RCAN1: variants seen among roughly 807,000 people sequenced by gnomAD.
RCAN1 encodes calcipressin-1.
In RCAN1, 11 loss-of-function variants were observed where a neutral mutation model predicts 22.9. The observed-to-expected ratio is 0.48, with a 90% CI of 0.30 to 0.79. The LOEUF (loss-of-function observed/expected upper bound fraction) is 0.79, where lower values mean the gene tolerates loss of function less well. RCAN1 is among the 30% of genes least tolerant of loss of function. RCAN1 has a pLI of 0.06. For missense variants in RCAN1, 291 were observed against 337.8 expected (o/e 0.86, Z 1.09); for synonymous variants, 136 against 142.3 (o/e 0.96, Z 0.32).
At chr21:34,590,019 C>T (rs1185328149) in intron 1 of RCAN1, among the ~76,000 whole-genome samples, 1 of 152,240 alleles carries the variant, frequency 6.6e-6, no homozygotes, top group Non-Finnish European at 1.5e-5. Context: ...GAATATTCTT[C>T]AATACCCATT....
intron 1 of RCAN1, among the ~76,000 whole-genome samples, chr21:34,583,731 T>C (rs1987699056): frequency 6.6e-6 from 1 of 152,108 alleles, no homozygotes; most frequent in Admixed American, 6.5e-5. Context: ...TCTGTGGTAT[T>C]ATGTTAGAGC....
At position 34,614,694 on chromosome 21, in the gene RCAN1, G is replaced by T; in HGVS notation, c.252+66C>A. The T allele has an allele frequency of 7.7e-7, 1 of 1,304,038 alleles. No homozygotes were observed. Among genetic ancestry groups the T allele is most frequent in the Non-Finnish European group, 9.8e-7 (1 of 1,023,320 alleles). The allele number at this position is 1,304,038 out of a possible 1,614,324, so 80.8% of individuals were successfully genotyped here. ...CGGCCGGGACTGGGCGCTGCGACCC[G>T]CGCCGCCTCCTCGGGCAACAAGTGT... On this transcript the variant is annotated intron_variant, in intron 1 of 3. Transcript: ENST00000313806. The surrounding 1 kb of genome is among the most constrained non-coding windows in gnomAD (Gnocchi z 6.0).
At position 34,614,470 on chromosome 21, in the gene RCAN1, G is replaced by A. The variant is rs1601232070; in HGVS notation, c.252+290C>T. 2.9e-6 allele frequency: 3 copies of A among 1,024,082 alleles called. No individual in the cohort carries two copies. Among genetic ancestry groups the A allele is most frequent in the Non-Finnish European group, 3.5e-6 (3 of 855,984 alleles). The allele number at this position is 1,024,082 out of a possible 1,614,324, so 63.4% of individuals were successfully genotyped here. A position where few individuals can be genotyped will look rare whatever the true frequency, so the allele number is the denominator to read the frequency against. On this transcript the variant is annotated intron_variant, in intron 1 of 3. Transcript: ENST00000313806. This position sits in a 1 kb window ranked among gnomAD's most constrained non-coding sequence, Gnocchi z 6.0. ...GGCGGCGGCGCTGCCCCACCTTGGGGAGCGAATTCACCCCCCTAGTCGCAC... is the reference window on the plus strand; with the variant it reads ...GGCGGCGGCGCTGCCCCACCTTGGGAAGCGAATTCACCCCCCTAGTCGCAC...
intron 1 of RCAN1, among the ~76,000 whole-genome samples, chr21:34,573,405 T>C (rs376894956): frequency 6.6e-6 from 1 of 152,230 alleles, no homozygotes; most frequent in Non-Finnish European, 1.5e-5. Context: ...ATCAATGTCC[T>C]GTTACCATGC....
rs577473186 is a variant in RCAN1, at chr21:34,567,313, G to A, written c.253-43603C>T. Reference sequence around the variant, plus strand: ...GAATCGAGACCATCCAGGCTAACATGGTGAAACCCTATCTCTATTAAAAAT... The same window carrying A: ...GAATCGAGACCATCCAGGCTAACATAGTGAAACCCTATCTCTATTAAAAAT... On this transcript the variant is annotated intron_variant, in intron 1 of 3. Coordinates refer to ENST00000313806, the MANE Select transcript of RCAN1 (RefSeq NM_004414.7). Among the ~76,000 whole-genome samples the A allele has an allele frequency of 1.1e-4, 17 of 152,276 alleles. No individual in the cohort carries two copies. In the South Asian group the frequency reaches 1.5e-3, roughly 13 times the overall value.
At chr21:34,553,852 G>A (rs2834531) in intron 1 of RCAN1, among the ~76,000 whole-genome samples, 35,050 of 152,024 alleles carry the variant, frequency 0.23, 4,817 homozygotes, top group African/African-American at 0.39. Flanking sequence ...GTCTGAAATC[G>A]AGAAGAAACA....
At chr21:34,582,213 A>G (rs1399824454) in intron 1 of RCAN1, among the ~76,000 whole-genome samples, 1 of 152,200 alleles carries the variant, frequency 6.6e-6, no homozygotes, top group African/African-American at 2.4e-5. Context: ...CTTAGGTACT[A>G]AGAACTTCCA....
intron 1 of RCAN1, among the ~76,000 whole-genome samples, chr21:34,534,145 G>A (rs1310538121): frequency 6.6e-6 from 1 of 152,118 alleles, no homozygotes; most frequent in East Asian, 1.9e-4. Context: ...CAGCGAAGGG[G>A]CGAGGGGGAA....
intron 1 of RCAN1, among the ~76,000 whole-genome samples, chr21:34,578,751 G>A (rs1987500469): frequency 6.6e-6 from 1 of 152,118 alleles, no homozygotes; most frequent in South Asian, 2.1e-4. Flanking sequence ...CAAGAGTGCA[G>A]GGCATGTTAC....
intron 1 of RCAN1, among the ~76,000 whole-genome samples, chr21:34,561,047 G>C (rs546540628): frequency 1.3e-5 from 2 of 152,110 alleles, no homozygotes; most frequent in Non-Finnish European, 2.9e-5. Context: ...CAGGGGATCC[G>C]ATGATTTTAT....
intron 1 of RCAN1, among the ~76,000 whole-genome samples, chr21:34,533,107 C>G (rs1003145095): frequency 2.0e-5 from 3 of 151,614 alleles, no homozygotes; most frequent in Non-Finnish European, 4.4e-5. Flanking sequence ...ACTACAGGTG[C>G]CCGCCACCAC....
At chr21:34,545,236 T>G (rs1986088239) in intron 1 of RCAN1, among the ~76,000 whole-genome samples, 1 of 152,176 alleles carries the variant, frequency 6.6e-6, no homozygotes, top group Non-Finnish European at 1.5e-5. Context: ...CAGAGGGAGA[T>G]CACAGCATTG....
intron 1 of RCAN1, among the ~76,000 whole-genome samples, chr21:34,529,242 C>T (rs1040743447): frequency 6.6e-6 from 1 of 152,182 alleles, no homozygotes; most frequent in Non-Finnish European, 1.5e-5. Flanking sequence ...AGCCCTGGAT[C>T]AGGGGGAGGG....
At chr21:34,609,630 T>G (rs1033901537) in intron 1 of RCAN1, among the ~76,000 whole-genome samples, 7 of 152,238 alleles carry the variant, frequency 4.6e-5, no homozygotes, top group African/African-American at 1.7e-4. Flanking sequence ...AAGCCTATTT[T>G]TTGTTCCTTT....
chr21:34,602,865 T>A (rs1270833856), intron 1 of RCAN1, among the ~76,000 whole-genome samples: 2 of 152,256 alleles, frequency 1.3e-5, no homozygotes, highest in East Asian at 3.8e-4. Context: ...ATTCTTTTCA[T>A]AATAATGCTG....
chr21:34,518,087 G>C lies in RCAN1; in HGVS notation c.756C>G (p.Ser252Arg), dbSNP rs754840752. 6.2e-7 allele frequency: 1 copy of C among 1,614,194 alleles called. No homozygotes were observed. The highest frequency in any genetic ancestry group is 1.1e-5 in the South Asian group (1 of 91,082). ...TGCGTCCTCGTCGCGTGCCAGTTCAGCTGAGGTGGATCGGCGTGTACTCCG... is the reference window on the plus strand; with the variant it reads ...TGCGTCCTCGTCGCGTGCCAGTTCACCTGAGGTGGATCGGCGTGTACTCCG... Reference protein sequence around the residue: ...RRPEYTPIHLS With the variant: ...RRPEYTPIHLR Residue 252 changes from serine to arginine, a missense_variant, in exon 4 of 4, where the codon AGC becomes AGG. Coordinates refer to ENST00000313806, the MANE Select transcript of RCAN1 (RefSeq NM_004414.7). This position sits in a 1 kb window ranked among gnomAD's most constrained non-coding sequence, Gnocchi z 4.2.
rs560434488 is a variant in RCAN1, at chr21:34,557,896, G to A, written c.253-34186C>T. On this transcript the variant is annotated intron_variant, in intron 1 of 3. Coordinates refer to ENST00000313806, the MANE Select transcript of RCAN1 (RefSeq NM_004414.7). ...ACCCTCAAGCCACTCTAGGAGACAG[G>A]TACTATCACTTTTTTATAGGTGAGG... Among the ~76,000 whole-genome samples the A allele has an allele frequency of 2.0e-5, 3 of 152,230 alleles. No individual in the cohort carries two copies. The East Asian group carries it at 5.8e-4, about 29-fold the overall frequency.
chr21:34,540,713 G>T (rs1018689719), intron 1 of RCAN1, among the ~76,000 whole-genome samples: 1 of 152,082 alleles, frequency 6.6e-6, no homozygotes. Flanking sequence ...TGGGCCAGGC[G>T]TGGTGGCTCA....
chr21:34,552,514 A>G (rs1456994417), intron 1 of RCAN1, among the ~76,000 whole-genome samples: 1 of 152,236 alleles, frequency 6.6e-6, no homozygotes, highest in Non-Finnish European at 1.5e-5. Flanking sequence ...GCAGAGAAAC[A>G]GGGCAAACCT....
Sources: allele counts gnomAD v4.1 joint callset (sites outside exome capture counted in the v4.1 genomes callset), GRCh38; gene constraint gnomAD v4.1.1; non-coding constraint Gnocchi (gnomAD v3.1); transcripts MANE v1.5; gene names NCBI Gene and HGNC (gene_info 2026-07-23, HGNC 2026-07-21).